The following SNX25 variants were observed in gnomAD, a reference collection of about 807,000 sequenced individuals.
SNX25 encodes the protein sorting nexin 25.
Under a neutral mutation model 113.7 loss-of-function variants are expected in SNX25, and 62 were observed. That is an observed-to-expected ratio of 0.55 (90% CI 0.44 to 0.67). The LOEUF is 0.67. SNX25 is among the 30% of genes least tolerant of loss of function. SNX25 has a pLI of 0.00. For missense variants in SNX25, 1,014 were observed against 1,161.0 expected, an observed-to-expected ratio of 0.87 and a Z score of 1.84; for synonymous variants, 421 against 436.2, an observed-to-expected ratio of 0.97 and a Z score of 0.43.
At chr4:185,268,177 A>G (rs1560952604) in intron 5 of SNX25, among the ~76,000 whole-genome samples, 1 of 152,220 alleles carries the variant, frequency 6.6e-6, no homozygotes. Flanking sequence ...TCAGATGACT[A>G]CCTTAGAAAA....
chr4:185,308,114 G>A (rs1288567), intron 6 of SNX25, among the ~76,000 whole-genome samples: 68,807 of 151,994 alleles, frequency 0.45, 15,670 homozygotes, highest in East Asian at 0.56. Context: ...AACCAGTTCA[G>A]TTCTCTCTCA....
At chr4:185,249,790 CTTG>C (rs1255845747) in intron 2 of SNX25, among the ~76,000 whole-genome samples, 2 of 151,586 alleles carry the variant, frequency 1.3e-5, no homozygotes, top group Non-Finnish European at 2.9e-5. Flanking sequence ...TTCTTTTTTT[CTTG>C]TTGTTTCTGC....
At position 185,287,342 on chromosome 4, in the gene SNX25, C is replaced by T. The variant is rs552382889; in HGVS notation, c.1092-670C>T. 1.2e-4 allele frequency among the ~76,000 whole-genome samples: 18 copies of T among 152,316 alleles called. No homozygotes were observed. The South Asian group carries it at 3.7e-3, about 32-fold the overall frequency. On this transcript the variant is annotated intron_variant, in intron 5 of 18. Transcript: ENST00000652585. Reference sequence around the variant, plus strand: ...AATTGCCAGGAGAGCTTTAAAAATACTGATGCGAGTCCTGGTGCAGATATT... The same window carrying T: ...AATTGCCAGGAGAGCTTTAAAAATATTGATGCGAGTCCTGGTGCAGATATT...
chr4:185,300,259 A>G (rs72709988), intron 6 of SNX25, among the ~76,000 whole-genome samples: 11,368 of 151,424 alleles, frequency 0.075, 552 homozygotes, highest in East Asian at 0.2. Context: ...CCAGGGTTCC[A>G]GCGATTCTCC....
intron 1 of SNX25, among the ~76,000 whole-genome samples, chr4:185,240,443 G>C (rs1579428616): frequency 6.7e-6 from 1 of 150,344 alleles, no homozygotes; most frequent in Non-Finnish European, 1.5e-5. Context: ...CCGGGCAGAG[G>C]GGCTCCTCTC....
intron 2 of SNX25, among the ~76,000 whole-genome samples, chr4:185,256,987 A>G (rs1361652774): frequency 2.0e-5 from 3 of 151,852 alleles, no homozygotes; most frequent in Non-Finnish European, 2.9e-5. Context: ...ATGAACCCCA[A>G]ATTCTAGGCT....
chr4:185,212,463 ATG>A (rs1553980506), intron 1 of SNX25, among the ~76,000 whole-genome samples: 6,677 of 118,918 alleles, frequency 0.056, 205 homozygotes, highest in Middle Eastern at 0.11. Flanking sequence ...AATTTGTGTG[ATG>A]TGTGTGTGTG....
chr4:185,246,802 C>G (rs1744926886), intron 1 of SNX25, among the ~76,000 whole-genome samples: 1 of 152,108 alleles, frequency 6.6e-6, no homozygotes, highest in Non-Finnish European at 1.5e-5. Flanking sequence ...TAAAAAGCTG[C>G]TCCCTTATTT....
chr4:185,348,932 A>T (rs940551872), intron 13 of SNX25, among the ~76,000 whole-genome samples: 2 of 144,094 alleles, frequency 1.4e-5, no homozygotes, highest in Non-Finnish European at 3.0e-5. Flanking sequence ...TTTTCAGATT[A>T]TACAGATGAG....
chr4:185,234,905 G>A (rs3108278), intron 1 of SNX25, among the ~76,000 whole-genome samples: 98,590 of 152,074 alleles, frequency 0.65, 32,080 homozygotes, highest in East Asian at 0.75. Flanking sequence ...AAGTTAATGG[G>A]GAATAATCAA....
At chr4:185,339,150 G>T (rs532515595) in intron 10 of SNX25, among the ~76,000 whole-genome samples, 1 of 152,110 alleles carries the variant, frequency 6.6e-6, no homozygotes, top group Non-Finnish European at 1.5e-5. Context: ...TCAGTGTTTT[G>T]TAGTTTTCAT....
rs1386823821 is a variant in SNX25 at position 185,247,356 on chromosome 4, T to C, written c.492T>C (p.Asn164=). 1 of 1,608,052 alleles carries C rather than the reference T, an allele frequency of 6.2e-7. No individual in the cohort carries two copies. Among genetic ancestry groups the C allele is most frequent in the Admixed American group, 1.7e-5 (1 of 59,884 alleles). The change falls in exon 2 of 19, where the codon AAT becomes AAC. Residue 164 remains asparagine, a synonymous_variant. Coordinates refer to ENST00000652585, the MANE Select transcript of SNX25 (RefSeq NM_001378034.2). ...CTAGAAGGGTAGTAATTTCTCATAA[T>C]ATGGATAAAGCTCTGAAAGAAGGTA... ...AQSRRVVISH[N]MDKALKEVFD...
chr4:185,313,487 T>TATC (rs1294184368), intron 7 of SNX25, among the ~76,000 whole-genome samples: 22 of 152,276 alleles, frequency 1.4e-4, no homozygotes, highest in African/African-American at 5.1e-4. Flanking sequence ...CCCTCAGTAA[T>TATC]ATCAGTAATA....
At chr4:185,295,294 A>G (rs1217836774) in intron 6 of SNX25, among the ~76,000 whole-genome samples, 1 of 152,184 alleles carries the variant, frequency 6.6e-6, no homozygotes, top group Non-Finnish European at 1.5e-5. Flanking sequence ...TATAAGTGGG[A>G]AACTGAAGAA....
intron 5 of SNX25, among the ~76,000 whole-genome samples, chr4:185,279,323 G>T (rs1408025082): frequency 6.6e-6 from 1 of 152,086 alleles, no homozygotes; most frequent in Non-Finnish European, 1.5e-5. Flanking sequence ...GGGTGGCCTT[G>T]TGATGGCTGG....
chr4:185,240,640 G>T (rs1246800571), intron 1 of SNX25, among the ~76,000 whole-genome samples: 3 of 148,470 alleles, frequency 2.0e-5, no homozygotes, highest in African/African-American at 5.0e-5. Context: ...GCGGCTGGCT[G>T]GGCGGGGGGC....
intron 12 of SNX25, among the ~76,000 whole-genome samples, chr4:185,345,255 T>C (rs183325202): frequency 2.0e-5 from 3 of 152,294 alleles, no homozygotes; most frequent in Admixed American, 1.3e-4. Flanking sequence ...TGAGAACCCT[T>C]CCTGTCGACA....
At chr4:185,315,822 A>G (rs1488543535) in intron 7 of SNX25, among the ~76,000 whole-genome samples, 1 of 152,230 alleles carries the variant, frequency 6.6e-6, no homozygotes, top group African/African-American at 2.4e-5. Context: ...TCTGTAATTC[A>G]CAAAGATAAC....
intron 1 of SNX25, among the ~76,000 whole-genome samples, chr4:185,238,996 G>T (rs971376422): frequency 1.3e-5 from 2 of 152,246 alleles, no homozygotes; most frequent in Middle Eastern, 3.4e-3. Context: ...GAGTACTCAG[G>T]TTTCTCTGCC....
Sources: allele counts gnomAD v4.1 joint callset (sites outside exome capture counted in the v4.1 genomes callset), GRCh38; gene constraint gnomAD v4.1.1; transcripts MANE v1.5; gene names NCBI Gene and HGNC (gene_info 2026-07-23, HGNC 2026-07-21).